Variants in ZFHX3 observed in about 807,000 individuals in gnomAD.
ZFHX3 encodes zinc finger homeobox protein 3.
Under a neutral mutation model 279.1 loss-of-function variants are expected in ZFHX3, and 42 were observed. That is an observed-to-expected ratio of 0.15 (90% CI 0.12 to 0.19). The LOEUF (loss-of-function observed/expected upper bound fraction) is 0.19, where lower values mean the gene tolerates loss of function less well. Ranked by LOEUF, ZFHX3 falls within the 10% of genes least tolerant of loss-of-function variation. ZFHX3 has a pLI of 1.00. For synonymous variants in ZFHX3, 2,293 were observed against 1,957.8 expected (o/e 1.17, Z -4.52); for missense variants, 4,981 against 4,754.0 (o/e 1.05, Z -1.40).
intron 1 of ZFHX3, among the ~76,000 whole-genome samples, chr16:73,696,176 A>G (rs763400028): frequency 3.9e-5 from 6 of 152,190 alleles, no homozygotes; most frequent in Non-Finnish European, 8.8e-5. Flanking sequence ...ACCCTCTGCT[A>G]ATTCAGGTTT....
chr16:72,907,995 A>C (rs970262997), intron 3 of ZFHX3, among the ~76,000 whole-genome samples: 4 of 151,734 alleles, frequency 2.6e-5, no homozygotes, highest in Non-Finnish European at 5.9e-5. Context: ...TGCTCCTCCA[A>C]ATTCTATCCT....
At position 73,197,348 on chromosome 16, in the gene ZFHX3, A is replaced by G. The variant is rs148592309; in HGVS notation, c.-1103-53517T>C. Among the ~76,000 whole-genome samples, 78 of 152,300 alleles carry G rather than the reference A, an allele frequency of 5.1e-4. 2 individuals are homozygous for G. The highest frequency in any genetic ancestry group is 1.8e-3 in the African/African-American group (75 of 41,566). ...CGGCATGAGAGCGTGACTAGGAAGG[A>G]TTTACTATGAGCACATGAAGTAGAG... On this transcript the variant is annotated intron_variant, in intron 5 of 17. Transcript: ENST00000641206.
At chr16:73,690,428 G>T (rs2053137533) in intron 1 of ZFHX3, among the ~76,000 whole-genome samples, 2 of 152,168 alleles carry the variant, frequency 1.3e-5, no homozygotes, top group South Asian at 4.1e-4. Context: ...ATCCTGAGCT[G>T]CACACTCCTC....
intron 1 of ZFHX3, among the ~76,000 whole-genome samples, chr16:73,857,600 G>A (rs895887135): frequency 7.9e-5 from 12 of 152,172 alleles, no homozygotes; most frequent in African/African-American, 1.9e-4. Flanking sequence ...CGTGGGATAC[G>A]TGTTCCTCCA....
Position 72,788,110 on chromosome 16 carries a change from TGCTGCTGCTGCTGCTGTAGTTGCC to T in ZFHX3, c.10142_10165del (p.Arg3381_Gln3388del), listed in dbSNP as rs727502780. On this transcript the variant is annotated inframe_deletion, in exon 10 of 10. Coordinates refer to ENST00000268489, the MANE Select transcript of ZFHX3 (RefSeq NM_006885.4). ...TTTGGGCTGCTGCTGCTGCACTTTTTGCTGCTGCTGCTGCTGTAGTTGCCGCTGCTGCTGCTGCTGAATTGCCTC... is the reference window on the plus strand; with the variant it reads ...TTTGGGCTGCTGCTGCTGCACTTTTTGCTGCTGCTGCTGCTGAATTGCCTC... The T allele has an allele frequency of 4.4e-4, 710 of 1,599,342 alleles. 3 individuals carry two copies. Among genetic ancestry groups the T allele is most frequent in the Middle Eastern group, 2.5e-3 (15 of 6,008 alleles).
At chr16:73,463,777 C>CGGA (rs1235685030) in intron 2 of ZFHX3, among the ~76,000 whole-genome samples, 1 of 152,086 alleles carries the variant, frequency 6.6e-6, no homozygotes, top group Non-Finnish European at 1.5e-5. Context: ...GGTGGCTGGA[C>CGGA]GGATATGCAG....
At chr16:73,851,491 GTC>G (rs1961592876) in intron 1 of ZFHX3, among the ~76,000 whole-genome samples, 3 of 152,192 alleles carry the variant, frequency 2.0e-5, no homozygotes, top group African/African-American at 7.2e-5. Context: ...ACCTCCTGAA[GTC>G]TCTGTTTTCT....
intron 2 of ZFHX3, among the ~76,000 whole-genome samples, chr16:73,469,590 T>C (rs890217620): frequency 6.6e-6 from 1 of 152,010 alleles, no homozygotes; most frequent in Non-Finnish European, 1.5e-5. Context: ...TTTAAAAACA[T>C]CCTGGTACCT....
rs1205143933 is a variant in ZFHX3, at chr16:72,788,569, T to C, written c.9707A>G (p.Asp3236Gly). ...LQQQQQRKDK[D>G]SEKVKEKEKA... ...TTCCTTCTCCTTTACTTTCTCACTG[T>C]CTTTGTCCTTGCGTTGCTGCTGCTG... Residue 3236 changes from aspartate to glycine, a missense_variant, in exon 10 of 10, where the codon GAC becomes GGC. Asp to Gly is a moderately conservative substitution (Grantham distance 94). This residue lies in a region of ZFHX3 where 1,034 missense variants were observed against 786.0 expected (regional missense o/e 1.32). Transcript: ENST00000268489. The C allele has an allele frequency of 1.2e-6, 2 of 1,614,006 alleles. No individual in the cohort carries two copies. The highest frequency in any genetic ancestry group is 1.3e-5 in the African/African-American group (1 of 74,920).
At chr16:73,601,407 T>C (rs1185757184) in intron 2 of ZFHX3, among the ~76,000 whole-genome samples, 2 of 150,824 alleles carry the variant, frequency 1.3e-5, no homozygotes, top group African/African-American at 4.9e-5. Context: ...GAGGTGGAGG[T>C]TGCAGTGAGC....
intron 4 of ZFHX3, among the ~76,000 whole-genome samples, chr16:73,272,689 G>C (rs917145540): frequency 2.6e-5 from 4 of 152,116 alleles, no homozygotes; most frequent in African/African-American, 4.8e-5. Flanking sequence ...TATTTCAACA[G>C]AAATATCAAT....
chr16:73,336,920 A>G (rs2015924678), intron 3 of ZFHX3, among the ~76,000 whole-genome samples: 1 of 151,998 alleles, frequency 6.6e-6, no homozygotes, highest in South Asian at 2.1e-4. Context: ...CCATTTACCT[A>G]TAAGAGCACC....
intron 3 of ZFHX3, among the ~76,000 whole-genome samples, chr16:73,338,510 C>A (rs1272106804): frequency 6.6e-6 from 1 of 152,046 alleles, no homozygotes; most frequent in Admixed American, 6.6e-5. Context: ...GGCCTCTTAA[C>A]CCCTTCAAAT....
At position 73,094,946 on chromosome 16, in the gene ZFHX3, G is replaced by A. The variant is rs1966140959; in HGVS notation, c.-896-1348C>T. Among the ~76,000 whole-genome samples, 4 of 152,096 alleles carry A rather than the reference G, an allele frequency of 2.6e-5. No individual in the cohort carries two copies. The South Asian group carries it at 8.3e-4, about 32-fold the overall frequency. On this transcript the variant is annotated intron_variant, in intron 7 of 17. Coordinates refer to the ZFHX3 transcript ENST00000641206. ...GCTAGTCTCAAACTCCTGACCTCAG[G>A]TGATCTGCCCACCTCAGCCTCCTAA...
chr16:73,884,038 C>T (rs182535132), intron 1 of ZFHX3, among the ~76,000 whole-genome samples: 6 of 152,286 alleles, frequency 3.9e-5, no homozygotes, highest in African/African-American at 1.2e-4. Context: ...TGTCCCAATA[C>T]GTGAACCACA....
At chr16:72,791,005 A>C (rs2035676317) in intron 9 of ZFHX3, 1 of 148,296 alleles carries the variant, frequency 6.7e-6, no homozygotes, top group African/African-American at 2.7e-5. Context: ...CAGTAGCTCA[A>C]CACACTCACA....
At chr16:73,016,070 T>TA (rs1444571382) in intron 1 of ZFHX3, 1 of 152,192 alleles carries the variant, frequency 6.6e-6, no homozygotes, top group African/African-American at 2.4e-5. Flanking sequence ...TCTTCTCTCT[T>TA]ACGCAAAGGA....
At chr16:73,634,118 A>G (rs1276447635) in intron 2 of ZFHX3, among the ~76,000 whole-genome samples, 1 of 152,134 alleles carries the variant, frequency 6.6e-6, no homozygotes, top group Non-Finnish European at 1.5e-5. Context: ...AGATCTATCT[A>G]TGTGTACATA....
intron 5 of ZFHX3, among the ~76,000 whole-genome samples, chr16:73,228,881 C>G (rs181869655): frequency 6.6e-6 from 1 of 152,214 alleles, no homozygotes; most frequent in East Asian, 1.9e-4. Context: ...GATAAGGAAA[C>G]AGCTGGTTTC....
Sources: gnomAD v4.1 joint callset for allele counts (sites outside exome capture counted in the v4.1 genomes callset) on GRCh38, gnomAD v4.1.1 for gene constraint, gnomAD v4.1.1 regional missense constraint, MANE v1.5 for transcripts, NCBI Gene and HGNC (gene_info 2026-07-23, HGNC 2026-07-21) for gene names.